Variants in SERPINI1 observed in about 807,000 individuals in gnomAD.
The protein encoded by SERPINI1 is serpin family I member 1, also known as neuroserpin.
SERPINI1 carries 19 observed loss-of-function variants against 41.1 expected under a neutral mutation model. The ratio of observed to expected loss-of-function variants is 0.46; its 90% CI spans 0.32 to 0.68. The LOEUF (loss-of-function observed/expected upper bound fraction) is 0.68. Among genes scored for constraint, SERPINI1 ranks in the 30% least tolerant of loss-of-function variants. The pLI, the probability that SERPINI1 is intolerant of heterozygous loss-of-function variation, is 0.03. For missense variants in SERPINI1, 460 were observed against 479.2 expected, an observed-to-expected ratio of 0.96 and a Z score of 0.37; for synonymous variants, 138 against 156.6, an observed-to-expected ratio of 0.88 and a Z score of 0.89.
chr3:167,824,371 G>A, intron 7 of SERPINI1, 102 bp from the exon 8 acceptor site: 3 of 805,138 alleles, frequency 3.7e-6, no homozygotes, highest in Non-Finnish European at 6.3e-6. Flanking sequence ...CCTGTAAATT[G>A]TTGTCTTTGC....
rs957173432 is a variant in SERPINI1 at position 167,742,625 on chromosome 3, C to T, written c.-19+6802C>T. Among the ~76,000 whole-genome samples, 4 of 152,168 alleles carry T rather than the reference C, an allele frequency of 2.6e-5. No individual in the cohort carries two copies. In the East Asian group the frequency reaches 7.7e-4, roughly 29 times the overall value. The stretch of plus-strand genomic sequence containing the variant: ...CCACTGTGCACTAACTGGCTCATGT[C>T]ATATGGCTGCCCTAGCTTTAATGGA... On this transcript the variant is annotated intron_variant, in intron 1 of 8. Transcript: ENST00000446050.
At chr3:167,780,287 C>A (rs1727080281) in intron 1 of SERPINI1, among the ~76,000 whole-genome samples, 1 of 152,076 alleles carries the variant, frequency 6.6e-6, no homozygotes, top group African/African-American at 2.4e-5. Context: ...TCAAAGAATA[C>A]TGGGATATTT....
rs369928717 is a variant in SERPINI1, at chr3:167,790,433, T to C, written c.312T>C (p.Tyr104=). Residue 104 remains tyrosine (Y), a synonymous_variant, in exon 3 of 9, where the codon TAT becomes TAC. Coordinates refer to ENST00000446050, the MANE Select transcript of SERPINI1 (RefSeq NM_001122752.2). ...TGGTAACTGCTAAAGAGAGCCAATA[T>C]GTGATGAAAATTGCCAATTCCTTGT... The part of the protein sequence containing the change: ...SNMVTAKESQ[Y]VMKIANSLFV... The C allele has an allele frequency of 1.2e-6, 2 of 1,613,892 alleles. No individual in the cohort carries two copies. Among genetic ancestry groups the C allele is most frequent in the African/African-American group, 2.7e-5 (2 of 74,928 alleles).
At position 167,825,511 on chromosome 3, in the gene SERPINI1, G is replaced by A; in HGVS notation, c.*188G>A. The A allele has an allele frequency of 1.8e-6, 1 of 569,262 alleles. No homozygotes were observed. The highest frequency in any genetic ancestry group is 1.9e-5 in the African/African-American group (1 of 53,246). The allele number at this position is 569,262 out of a possible 1,614,324, so 35.3% of individuals were successfully genotyped here. On this transcript the variant is annotated 3_prime_UTR_variant, in exon 9 of 9. Transcript: ENST00000446050. ...TTATCAGTATTAAGCTAATGGTCCT[G>A]TTATGTCATTGTGTTTGTGTGCTGT...
intron 6 of SERPINI1, among the ~76,000 whole-genome samples, chr3:167,819,414 G>T (rs1182204140): frequency 6.6e-6 from 1 of 152,086 alleles, no homozygotes; most frequent in Non-Finnish European, 1.5e-5. Context: ...TTTTGGATTT[G>T]AGGGAGCTAA....
chr3:167,744,050 C>G (rs1486854071), intron 1 of SERPINI1, among the ~76,000 whole-genome samples: 2 of 152,036 alleles, frequency 1.3e-5, no homozygotes, highest in Non-Finnish European at 2.9e-5. Context: ...ACGTGAACCA[C>G]AAGACTAAAG....
chr3:167,766,500 C>G (rs969216652), intron 1 of SERPINI1, among the ~76,000 whole-genome samples: 2 of 152,218 alleles, frequency 1.3e-5, no homozygotes, highest in Non-Finnish European at 2.9e-5. Flanking sequence ...ATTACGGGTG[C>G]TACAACTTGA....
intron 6 of SERPINI1, among the ~76,000 whole-genome samples, chr3:167,821,062 G>T (rs1190149201): frequency 6.6e-6 from 1 of 152,118 alleles, no homozygotes; most frequent in Non-Finnish European, 1.5e-5. Context: ...CCTGCAGAGA[G>T]GAGCTACCCA....
chr3:167,775,815 A>G (rs1726949894), intron 1 of SERPINI1, among the ~76,000 whole-genome samples: 2 of 152,162 alleles, frequency 1.3e-5, no homozygotes, highest in South Asian at 4.1e-4. Context: ...GAATGAATGA[A>G]TGGAGTGAAT....
intron 1 of SERPINI1, among the ~76,000 whole-genome samples, chr3:167,736,396 C>T (rs1274493254): frequency 6.6e-6 from 1 of 152,194 alleles, no homozygotes; most frequent in Non-Finnish European, 1.5e-5. Flanking sequence ...AAAAGTATAA[C>T]TTTTGCCAGC....
rs1372490499 is a variant in SERPINI1, at chr3:167,772,822, G to GACTC, written c.-18-16288_-18-16285dup. 2.2e-3 allele frequency among the ~76,000 whole-genome samples: 96 copies of GACTC among 43,002 alleles called. 4 individuals carry two copies. Among genetic ancestry groups the GACTC allele is most frequent in the African/African-American group, 8.2e-3 (79 of 9,600 alleles). 28.2% of individuals were successfully genotyped at this position (43,002 alleles called of 152,430 possible). On this transcript the variant is annotated intron_variant, in intron 1 of 8. Coordinates refer to ENST00000446050, the MANE Select transcript of SERPINI1 (RefSeq NM_001122752.2). ...TATTCCAGCCTGGGCAGTATCTTGA[G>GACTC]ACTCTCTCTCTCTCTCTCTCTCTCT... is the stretch of plus-strand genomic sequence containing the variant.
chr3:167,810,162 C>T (rs1228865878), intron 6 of SERPINI1, among the ~76,000 whole-genome samples: 2 of 152,004 alleles, frequency 1.3e-5, no homozygotes, highest in Non-Finnish European at 2.9e-5. Context: ...ATCTCTTCAT[C>T]ATTTATTTGA....
Position 167,789,428 on chromosome 3 carries a change from C to T in SERPINI1, c.250+50C>T, listed in dbSNP as rs1008566665. 4 of 1,605,728 alleles carry T rather than the reference C, an allele frequency of 2.5e-6. No homozygotes were observed. The African/African-American group carries it at 5.3e-5, about 21-fold the overall frequency. On this transcript the variant is annotated intron_variant, in intron 2 of 8. Transcript: ENST00000446050. ...TCAAGACTTTTGAATTTGACTTTGACTCAGTTATGTTGTATTCTTATTCTA... is the reference window on the plus strand; with the variant it reads ...TCAAGACTTTTGAATTTGACTTTGATTCAGTTATGTTGTATTCTTATTCTA...
intron 5 of SERPINI1, 143 bp downstream of exon 5, chr3:167,794,967 T>C: frequency 1.5e-6 from 1 of 678,940 alleles, no homozygotes; most frequent in South Asian, 1.8e-5. Context: ...TCCTTCTCTT[T>C]CTCCTTCTCC....
chr3:167,822,836 G>A, intron 6 of SERPINI1, 150 bp from the exon 7 acceptor site: 1 of 610,532 alleles, frequency 1.6e-6, no homozygotes, highest in Non-Finnish European at 3.0e-6. Context: ...ATCTTCAATG[G>A]TTATCTCATT....
chr3:167,795,413 C>A (rs983631077), intron 5 of SERPINI1, among the ~76,000 whole-genome samples: 6 of 152,178 alleles, frequency 3.9e-5, no homozygotes, highest in Admixed American at 3.9e-4. Flanking sequence ...TTTCTGGCCA[C>A]TCACCACATC....
chr3:167,772,976 A>ATGTGTATATATG (rs541090687), intron 1 of SERPINI1, among the ~76,000 whole-genome samples: 17,688 of 143,308 alleles, frequency 0.12, 1,456 homozygotes, highest in African/African-American at 0.21. Context: ...GTGTATATAT[A>ATGTGTATATATG]TGTATATATA....
At chr3:167,825,110 A>C in intron 8 of SERPINI1, 137 bp from the exon 9 acceptor site, 1 of 712,046 alleles carries the variant, frequency 1.4e-6, no homozygotes, top group Non-Finnish European at 2.6e-6. Context: ...AGAGGAAGGA[A>C]GGAAGGACAG....
At chr3:167,772,255 T>C (rs1467293823) in intron 1 of SERPINI1, among the ~76,000 whole-genome samples, 1 of 152,180 alleles carries the variant, frequency 6.6e-6, no homozygotes, top group Non-Finnish European at 1.5e-5. Context: ...AAGATATATT[T>C]TATGGGAGGA....
Sources: allele counts gnomAD v4.1 joint callset (sites outside exome capture counted in the v4.1 genomes callset), GRCh38; gene constraint gnomAD v4.1.1; transcripts MANE v1.5; gene names NCBI Gene and HGNC (gene_info 2026-07-23, HGNC 2026-07-21).